Variants in NDEL1 observed in about 807,000 individuals in gnomAD.
NDEL1 encodes nuclear distribution protein nudE-like 1.
NDEL1 carries 9 observed loss-of-function variants against 45.7 expected under a neutral mutation model. That is an observed-to-expected ratio of 0.20 (90% confidence interval 0.12 to 0.34). The LOEUF is 0.34. Ranked by LOEUF, NDEL1 falls within the 10% of genes least tolerant of loss-of-function variation. NDEL1 has a pLI of 1.00. For synonymous variants in NDEL1, 133 were observed against 158.6 expected (o/e 0.84, Z 1.21); for missense variants, 306 against 406.2 (o/e 0.75, Z 2.12).
In NDEL1 at chr17:8,447,285, G is replaced by A. The variant is rs577556183; in HGVS notation, c.389+383G>A. Among the ~76,000 whole-genome samples, 4 of 152,276 alleles carry A rather than the reference G, an allele frequency of 2.6e-5. No homozygotes were observed. The South Asian group carries it at 8.3e-4, about 32-fold the overall frequency. On this transcript the variant is annotated intron_variant, in intron 4 of 8. Transcript: ENST00000334527. The stretch of plus-strand genomic sequence containing the variant: ...AGCCTTCCAAGTAGCTGGGATTATA[G>A]GCATGTGCCACCACACCCAGCTAAT...
chr17:8,472,549 C>T (rs1911869977), downstream of NDEL1, among the ~76,000 whole-genome samples: 3 of 152,252 alleles, frequency 2.0e-5, no homozygotes, highest in South Asian at 6.2e-4. Flanking sequence ...CCTGTAATCC[C>T]AGCTACTCGG....
In NDEL1 at chr17:8,444,099, G is replaced by A. The variant is rs540722859; in HGVS notation, c.-12-161G>A. The stretch of plus-strand genomic sequence containing the variant: ...TGGTGGTCCCTGAGAGTGGAGCAGT[G>A]GAGTGATTGACGTGCCTGAGTTTGA... On this transcript the variant is annotated intron_variant, in intron 1 of 8. Transcript: ENST00000334527. 3 of 562,612 alleles carry A rather than the reference G, an allele frequency of 5.3e-6. No individual in the cohort carries two copies. The East Asian group carries it at 9.0e-5, about 17-fold the overall frequency. The allele number at this position is 562,612 out of a possible 1,614,324, so 34.9% of individuals were successfully genotyped here.
chr17:8,413,796 T>C (rs1908480918), intron 1 of NDEL1, among the ~76,000 whole-genome samples: 1 of 152,246 alleles, frequency 6.6e-6, no homozygotes, highest in Admixed American at 6.5e-5. Flanking sequence ...GTTTGTAAAC[T>C]TAAGCAGAAT....
chr17:8,455,410 G>A (rs1041936153), intron 7 of NDEL1, among the ~76,000 whole-genome samples: 5 of 152,108 alleles, frequency 3.3e-5, no homozygotes, highest in African/African-American at 9.7e-5. Context: ...AAACCCAGCC[G>A]GACGCGGTGG....
chr17:8,474,227 T>C (rs982271473), intron 3 of NDEL1: 1 of 152,700 alleles, frequency 6.5e-6, no homozygotes, highest in Non-Finnish European at 1.5e-5. Flanking sequence ...ATGATTATTC[T>C]TGTTTATTGA....
At chr17:8,445,514 G>A (rs187889979) in intron 2 of NDEL1, among the ~76,000 whole-genome samples, 197 bp from the exon 3 acceptor site, 1 of 152,182 alleles carries the variant, frequency 6.6e-6, no homozygotes, top group Admixed American at 6.5e-5. Context: ...TCACTGACTT[G>A]TGGCTCCTTT....
At chr17:8,442,674 C>T (rs891368610) in intron 1 of NDEL1, among the ~76,000 whole-genome samples, 2 of 143,674 alleles carry the variant, frequency 1.4e-5, no homozygotes, top group African/African-American at 5.2e-5. Flanking sequence ...TTTAACCGTT[C>T]ATTCCTTTAA....
At chr17:8,459,640 A>G (rs988468275) in intron 7 of NDEL1, among the ~76,000 whole-genome samples, 13 of 152,144 alleles carry the variant, frequency 8.5e-5, no homozygotes, top group African/African-American at 3.1e-4. Context: ...CTTGCTCCCA[A>G]AACACACCCT....
At chr17:8,456,492 C>CTTT (rs57327945) in intron 7 of NDEL1, among the ~76,000 whole-genome samples, 16 of 82,816 alleles carry the variant, frequency 1.9e-4, no homozygotes, top group African/African-American at 6.1e-4. Flanking sequence ...TAGGTTATAT[C>CTTT]TTTTTTTTTT....
chr17:8,428,350 G>A (rs1205030641), intron 1 of NDEL1, among the ~76,000 whole-genome samples: 5 of 94,328 alleles, frequency 5.3e-5, no homozygotes, highest in Non-Finnish European at 9.4e-5. Context: ...GTGTGTGTGT[G>A]TGTGTGTGTG....
intron 4 of NDEL1, 112 bp from the exon 5 acceptor site, chr17:8,448,438 G>A: frequency 8.7e-7 from 1 of 1,153,976 alleles, no homozygotes; most frequent in South Asian, 1.6e-5. Flanking sequence ...TTTGATTGGG[G>A]CCAGGCTGGC....
rs575537424 is a variant in NDEL1 at position 8,459,189 on chromosome 17, A to T, written c.793-820A>T. ...ATAGACATGAATTGTGTATATATAT[A>T]TTTTGCCATGGATAGTATTTTTCTT... On this transcript the variant is annotated intron_variant, in intron 7 of 8. Coordinates refer to ENST00000334527, the MANE Select transcript of NDEL1 (RefSeq NM_030808.5). Among the ~76,000 whole-genome samples, 80 of 152,190 alleles carry T rather than the reference A, an allele frequency of 5.3e-4. 1 individual carries two copies. The highest frequency in any genetic ancestry group is 1.8e-3 in the African/African-American group (76 of 41,504).
At chr17:8,466,664 A>G (rs1165688187) in intron 8 of NDEL1, 7 of 457,464 alleles carry the variant, frequency 1.5e-5, no homozygotes, top group African/African-American at 6.0e-5. Context: ...CTTTATGGGG[A>G]AAGAATCAGG....
At chr17:8,459,988 A>G (rs770106629) in intron 7 of NDEL1, 21 bp from the exon 8 acceptor site, 2 of 1,601,870 alleles carry the variant, frequency 1.2e-6, no homozygotes, top group Non-Finnish European at 1.7e-6. Context: ...CAACCATATC[A>G]TTCCTCCTTC....
chr17:8,428,449 C>T (rs951787949), intron 1 of NDEL1, among the ~76,000 whole-genome samples: 2 of 150,724 alleles, frequency 1.3e-5, no homozygotes, highest in Non-Finnish European at 3.0e-5. Flanking sequence ...ACTGCAACCT[C>T]CGCCTCCCAG....
chr17:8,458,736 C>CT (rs1225527201), intron 7 of NDEL1, among the ~76,000 whole-genome samples: 1 of 151,620 alleles, frequency 6.6e-6, no homozygotes, highest in African/African-American at 2.4e-5. Context: ...GTTGCTGTTT[C>CT]TTTTTTTTGA....
chr17:8,466,743 C>T, intron 8 of NDEL1, 187 bp from the exon 9 acceptor site: 1 of 606,528 alleles, frequency 1.6e-6, no homozygotes, highest in Non-Finnish European at 2.9e-6. Flanking sequence ...CCCCAGGATT[C>T]CCAAAGGCTC....
chr17:8,473,387 A>T (rs886832303), intron 3 of NDEL1, among the ~76,000 whole-genome samples: 1 of 152,134 alleles, frequency 6.6e-6, no homozygotes, highest in Non-Finnish European at 1.5e-5. Context: ...GTGTTTCACC[A>T]TGTTGGCCAG....
chr17:8,418,188 T>C (rs1215542958), intron 1 of NDEL1, among the ~76,000 whole-genome samples: 1 of 152,214 alleles, frequency 6.6e-6, no homozygotes, highest in African/African-American at 2.4e-5. Flanking sequence ...GTTGTTTCCT[T>C]TCCTATCATC....
Sources: gnomAD v4.1 joint callset for allele counts (sites outside exome capture counted in the v4.1 genomes callset) on GRCh38, gnomAD v4.1.1 for gene constraint, MANE v1.5 for transcripts, NCBI Gene and HGNC (gene_info 2026-07-23, HGNC 2026-07-21) for gene names.